Variants in BCAT1 observed in about 807,000 individuals in gnomAD.
BCAT1 encodes branched-chain-amino-acid aminotransferase, cytosolic.
In BCAT1, 48 loss-of-function variants were observed where a neutral mutation model predicts 52.4. The observed-to-expected ratio is 0.92, with a 90% CI of 0.73 to 1.16. The LOEUF is 1.16. Ranked by LOEUF, BCAT1 falls within the 50% of genes most tolerant of loss-of-function variation. BCAT1 has a pLI of 0.00. For missense variants in BCAT1, 451 were observed against 457.1 expected (o/e 0.99, Z 0.12); for synonymous variants, 167 against 161.3 (o/e 1.04, Z -0.27).
At position 24,932,463 on chromosome 12, in the gene BCAT1, G is replaced by A. The variant is rs140298095; in HGVS notation, c.6+16464C>T. The stretch of plus-strand genomic sequence containing the variant: ...GACCAGTCAGTATAAATTTGTACCA[G>A]CTTTCTCTCAGTTCTGTCACTACTG... On this transcript the variant is annotated intron_variant, in intron 1 of 10. Coordinates refer to ENST00000261192, the MANE Select transcript of BCAT1 (RefSeq NM_005504.7). Among the ~76,000 whole-genome samples, 17 of 152,282 alleles carry A rather than the reference G, an allele frequency of 1.1e-4. 1 individual carries two copies. Among genetic ancestry groups the A allele is most frequent in the African/African-American group, 3.8e-4 (16 of 41,566 alleles).
Position 24,810,616 on chromosome 12 carries a change from C to T in BCAT1, c.*7392G>A, listed in dbSNP as rs1265312146. On this transcript the variant is annotated 3_prime_UTR_variant, in exon 11 of 11. Transcript: ENST00000261192. Reference sequence around the variant, plus strand: ...AGAACACTTGACTAATAACCTTTGCCTAGACCTTCCAAACTCTGCGCGTAA... The same window carrying T: ...AGAACACTTGACTAATAACCTTTGCTTAGACCTTCCAAACTCTGCGCGTAA... The T allele has an allele frequency of 6.6e-6, 1 of 152,132 alleles. No homozygotes were observed. The highest frequency in any genetic ancestry group is 1.5e-5 in the Non-Finnish European group (1 of 68,022). 9.4% of individuals were successfully genotyped at this position (152,132 alleles called of 1,614,324 possible).
At chr12:24,931,457 C>G (rs755791832) in intron 1 of BCAT1, among the ~76,000 whole-genome samples, 2 of 151,998 alleles carry the variant, frequency 1.3e-5, no homozygotes, top group Non-Finnish European at 2.9e-5. Flanking sequence ...GGAAAATTTT[C>G]TAGGATGAAT....
chr12:24,887,111 A>ATATATATATAT (rs1942702628), intron 3 of BCAT1, among the ~76,000 whole-genome samples: 17 of 127,198 alleles, frequency 1.3e-4, no homozygotes, highest in Non-Finnish European at 2.3e-4. Flanking sequence ...ATATATATAT[A>ATATATATATAT]AAGCTGATAA....
chr12:24,816,472 A>G lies in BCAT1; in HGVS notation c.*1536T>C, dbSNP rs1427682759. 1 of 397,930 alleles carries G rather than the reference A, an allele frequency of 2.5e-6. No homozygotes were observed. 24.6% of individuals were successfully genotyped at this position (397,930 alleles called of 1,614,324 possible). ...CTCACAGCTCCTAAACAAGGAAAAT[A>G]TCACCCATAGTAGCTCTCCCTGCAT... On this transcript the variant is annotated 3_prime_UTR_variant, in exon 11 of 11. Transcript: ENST00000261192.
At chr12:24,858,982 T>A (rs2139506874) in intron 5 of BCAT1, among the ~76,000 whole-genome samples, 1 of 152,292 alleles carries the variant, frequency 6.6e-6, no homozygotes, top group South Asian at 2.1e-4. Flanking sequence ...AGTTTTTCCA[T>A]AAATAGAACA....
chr12:24,849,277 C>T (rs1941430772), intron 6 of BCAT1, among the ~76,000 whole-genome samples: 2 of 152,214 alleles, frequency 1.3e-5, no homozygotes, highest in South Asian at 4.1e-4. Flanking sequence ...AGGGCTGTCC[C>T]GCAGCCAGTT....
At chr12:24,891,009 A>AGG (rs909650562) in intron 3 of BCAT1, among the ~76,000 whole-genome samples, 2 of 152,332 alleles carry the variant, frequency 1.3e-5, no homozygotes, top group African/African-American at 4.8e-5. Flanking sequence ...CTTTGATCAT[A>AGG]GAAGTCTCCT....
At chr12:24,935,482 C>T (rs1943739331) in intron 1 of BCAT1, among the ~76,000 whole-genome samples, 1 of 152,172 alleles carries the variant, frequency 6.6e-6, no homozygotes. Flanking sequence ...CATCTCTTCC[C>T]TGCATCCCTG....
At chr12:24,838,708 C>G (rs1941078334) in intron 7 of BCAT1, among the ~76,000 whole-genome samples, 2 of 152,176 alleles carry the variant, frequency 1.3e-5, no homozygotes, top group South Asian at 4.1e-4. Flanking sequence ...CTCTGGTTGC[C>G]AGACAGAGAT....
chr12:24,894,411 A>C lies in BCAT1; in HGVS notation c.143T>G (p.Val48Gly), dbSNP rs747267839. Reference sequence around the variant, plus strand: ...ATGATCCGTGAACACAGTTCCAAAAACCAGATTATTGGGGTCTGGTTTTTC... The same window carrying C: ...ATGATCCGTGAACACAGTTCCAAAACCCAGATTATTGGGGTCTGGTTTTTC... ...LKEKPDPNNL[V>G]FGTVFTDHML... is the part of the protein sequence containing the mutation. The change falls in exon 3 of 11, where the codon GTT becomes GGT. Residue 48 changes from valine to glycine, a missense_variant. Val to Gly is a moderately radical substitution (Grantham distance 109). Coordinates refer to ENST00000261192, the MANE Select transcript of BCAT1 (RefSeq NM_005504.7). 2 of 1,612,262 alleles carry C rather than the reference A, an allele frequency of 1.2e-6. No individual in the cohort carries two copies. The highest frequency in any genetic ancestry group is 8.5e-7 in the Non-Finnish European group (1 of 1,179,060).
intron 1 of BCAT1, among the ~76,000 whole-genome samples, chr12:24,942,883 A>G (rs573120447): frequency 9.2e-5 from 14 of 152,266 alleles, no homozygotes; most frequent in Non-Finnish European, 1.8e-4. Flanking sequence ...GAAACAGAGA[A>G]GAAAGTGATA....
intron 5 of BCAT1, among the ~76,000 whole-genome samples, chr12:24,855,789 T>C (rs1941661296): frequency 6.6e-6 from 1 of 152,034 alleles, no homozygotes; most frequent in Non-Finnish European, 1.5e-5. Flanking sequence ...TTCTTTTTCT[T>C]TTTTTCTTTT....
chr12:24,920,644 A>C (rs1387515846), intron 1 of BCAT1, among the ~76,000 whole-genome samples: 3 of 152,174 alleles, frequency 2.0e-5, no homozygotes, highest in African/African-American at 7.2e-5. Context: ...TCAGTTCTGC[A>C]GTGGACACAA....
chr12:24,902,335 G>C (rs1326903188), intron 1 of BCAT1: 4 of 1,219,072 alleles, frequency 3.3e-6, no homozygotes, highest in African/African-American at 1.5e-5. Flanking sequence ...GAACGGGGAC[G>C]GGCGTGAACC....
chr12:24,858,734 C>G (rs1052948030), intron 5 of BCAT1, among the ~76,000 whole-genome samples: 14 of 152,172 alleles, frequency 9.2e-5, no homozygotes, highest in African/African-American at 3.4e-4. Context: ...TTGAGGCTAC[C>G]AGAGAAACAG....
chr12:24,947,114 T>A (rs1731488088), intron 1 of BCAT1, among the ~76,000 whole-genome samples: 1 of 150,062 alleles, frequency 6.7e-6, no homozygotes, highest in Non-Finnish European at 1.5e-5. Flanking sequence ...AGGGGCCACA[T>A]CCTGTGTCTG....
chr12:24,818,900 G>A (rs1488076587), intron 10 of BCAT1, among the ~76,000 whole-genome samples: 3 of 152,124 alleles, frequency 2.0e-5, no homozygotes, highest in African/African-American at 7.2e-5. Context: ...CAACAAAAAT[G>A]CCTGTGTTTA....
At chr12:24,880,574 T>C (rs1942464033) in intron 4 of BCAT1, among the ~76,000 whole-genome samples, 1 of 152,218 alleles carries the variant, frequency 6.6e-6, no homozygotes, top group Non-Finnish European at 1.5e-5. Context: ...AAACATTACT[T>C]AAGATAAAAT....
At chr12:24,851,680 A>G (rs1941515975) in intron 5 of BCAT1, among the ~76,000 whole-genome samples, 1 of 152,212 alleles carries the variant, frequency 6.6e-6, no homozygotes, top group Non-Finnish European at 1.5e-5. Context: ...TCTTTAACAG[A>G]GACTGAAGAT....
Sources: gnomAD v4.1 joint callset for allele counts (sites outside exome capture counted in the v4.1 genomes callset) on GRCh38, gnomAD v4.1.1 for gene constraint, MANE v1.5 for transcripts, NCBI Gene and HGNC (gene_info 2026-07-23, HGNC 2026-07-21) for gene names.